Variants in BMPR1B observed in about 807,000 individuals in gnomAD.
BMPR1B encodes the protein bone morphogenetic protein receptor type 1B.
Under a neutral mutation model 59.1 loss-of-function variants are expected in BMPR1B, and 12 were observed. The ratio of observed to expected loss-of-function variants is 0.20; its 90% CI spans 0.13 to 0.33. BMPR1B has a LOEUF of 0.33. BMPR1B is among the 10% of genes least tolerant of loss of function. The pLI is 1.00. For missense variants in BMPR1B, 550 were observed against 610.9 expected (o/e 0.90, Z 1.05); for synonymous variants, 237 against 207.3 (o/e 1.14, Z -1.23).
chr4:94,964,903 C>T (rs1179573422), intron 2 of BMPR1B, among the ~76,000 whole-genome samples: 1 of 152,126 alleles, frequency 6.6e-6, no homozygotes, highest in African/African-American at 2.4e-5. Context: ...AACCCTTGGT[C>T]TTCACACAAA....
rs1733171869 is a variant in BMPR1B at position 95,129,754 on chromosome 4, A to G, written c.586-108A>G. The G allele has an allele frequency of 1.2e-5, 13 of 1,048,736 alleles. No homozygotes were observed. In the South Asian group the frequency reaches 1.6e-4, roughly 13 times the overall value. The allele number at this position is 1,048,736 out of a possible 1,614,324, so 65.0% of individuals were successfully genotyped here. ...AGTTGTCTATATAGAGAAAAATACT[A>G]GCTAAATATATTTTACATGCAGTAA... is the stretch of plus-strand genomic sequence containing the variant. On this transcript the variant is annotated intron_variant, in intron 8 of 12. Coordinates refer to ENST00000515059, the MANE Select transcript of BMPR1B (RefSeq NM_001203.3).
At chr4:94,945,411 G>A (rs1386407792) in intron 2 of BMPR1B, among the ~76,000 whole-genome samples, 1 of 152,132 alleles carries the variant, frequency 6.6e-6, no homozygotes. Flanking sequence ...GATTATTTAG[G>A]TGTCAGAGAA....
At chr4:95,014,694 A>G (rs1224889951) in intron 3 of BMPR1B, among the ~76,000 whole-genome samples, 1 of 152,194 alleles carries the variant, frequency 6.6e-6, no homozygotes, top group Non-Finnish European at 1.5e-5. Context: ...TTCCTTTAAT[A>G]TCATCTTTTA....
chr4:95,093,334 G>A (rs1730132137), intron 3 of BMPR1B, among the ~76,000 whole-genome samples: 1 of 151,980 alleles, frequency 6.6e-6, no homozygotes, highest in South Asian at 2.1e-4. Flanking sequence ...AAACCTAAGG[G>A]AAAGGCTAGC....
chr4:94,976,001 G>A (rs888428554), intron 2 of BMPR1B, among the ~76,000 whole-genome samples: 3 of 152,222 alleles, frequency 2.0e-5, no homozygotes, highest in Non-Finnish European at 2.9e-5. Context: ...TCAGGAATTT[G>A]TGTAGGGTTT....
chr4:94,758,622 G>A (rs572921596), intron 1 of BMPR1B, among the ~76,000 whole-genome samples: 65 of 152,216 alleles, frequency 4.3e-4, no homozygotes, highest in Non-Finnish European at 8.2e-4. Context: ...GGGAAAGTGC[G>A]CAGCGGGCTG....
chr4:95,014,403 A>G (rs1367112806), intron 3 of BMPR1B, among the ~76,000 whole-genome samples: 2 of 152,208 alleles, frequency 1.3e-5, no homozygotes, highest in Non-Finnish European at 2.9e-5. Context: ...GGGTTTAACT[A>G]CCATTATTTA....
intron 2 of BMPR1B, among the ~76,000 whole-genome samples, chr4:94,890,192 C>CTAGA (rs1727335930): frequency 6.6e-6 from 1 of 152,030 alleles, no homozygotes. Context: ...AAGAAGCCTG[C>CTAGA]TAGAGGCTTG....
intron 3 of BMPR1B, chr4:95,051,856 G>A (rs964155291): frequency 7.2e-5 from 98 of 1,360,576 alleles, no homozygotes; most frequent in Non-Finnish European, 8.7e-5. Flanking sequence ...AGAAGGGAAA[G>A]TTCAGGCCAG....
At chr4:94,969,006 T>A (rs1730670224) in intron 2 of BMPR1B, among the ~76,000 whole-genome samples, 1 of 152,114 alleles carries the variant, frequency 6.6e-6, no homozygotes, top group South Asian at 2.1e-4. Context: ...TAGATAGGCA[T>A]AGTTTGTCTA....
intron 2 of BMPR1B, among the ~76,000 whole-genome samples, chr4:94,911,880 A>T (rs1485004420): frequency 6.6e-6 from 1 of 152,158 alleles, no homozygotes; most frequent in African/African-American, 2.4e-5. Context: ...TATAGCAGAT[A>T]TATCTCCACA....
intron 1 of BMPR1B, among the ~76,000 whole-genome samples, chr4:94,782,630 A>G (rs565010480): frequency 6.6e-6 from 1 of 152,252 alleles, no homozygotes; most frequent in South Asian, 2.1e-4. Flanking sequence ...TTATCTCCAG[A>G]ATTCAATTTG....
intron 2 of BMPR1B, among the ~76,000 whole-genome samples, chr4:94,947,215 T>A (rs1049705621): frequency 1.3e-5 from 2 of 152,234 alleles, no homozygotes; most frequent in Non-Finnish European, 2.9e-5. Flanking sequence ...AATTGATGTA[T>A]GAATACTAAC....
At chr4:95,007,194 A>G (rs1346982534) in intron 3 of BMPR1B, among the ~76,000 whole-genome samples, 1 of 152,168 alleles carries the variant, frequency 6.6e-6, no homozygotes, top group East Asian at 1.9e-4. Context: ...TATACTCTGG[A>G]ATGTTTTTTG....
intron 3 of BMPR1B, among the ~76,000 whole-genome samples, chr4:95,063,169 C>A (rs932696554): frequency 6.6e-6 from 1 of 152,048 alleles, no homozygotes; most frequent in Non-Finnish European, 1.5e-5. Flanking sequence ...AAGAAAGTGG[C>A]ATTCTTATAG....
At chr4:94,898,700 CTA>C (rs1727682912) in intron 2 of BMPR1B, among the ~76,000 whole-genome samples, 1 of 109,556 alleles carries the variant, frequency 9.1e-6, no homozygotes, top group Admixed American at 8.0e-5. Context: ...TGAGAACAGA[CTA>C]ATATACACTT....
At chr4:94,974,917 T>A (rs1266278204) in intron 2 of BMPR1B, among the ~76,000 whole-genome samples, 1 of 152,232 alleles carries the variant, frequency 6.6e-6, no homozygotes, top group East Asian at 1.9e-4. Context: ...GTAAAGGGTT[T>A]GGAACAAATA....
intron 3 of BMPR1B, among the ~76,000 whole-genome samples, chr4:95,052,776 C>T (rs939758993): frequency 4.0e-5 from 6 of 151,886 alleles, no homozygotes; most frequent in South Asian, 2.1e-4. Flanking sequence ...TTACTTATAC[C>T]GTATACATAA....
intron 2 of BMPR1B, among the ~76,000 whole-genome samples, chr4:94,964,456 G>T (rs1380637275): frequency 6.6e-6 from 1 of 152,124 alleles, no homozygotes; most frequent in Non-Finnish European, 1.5e-5. Context: ...ACTAGCTATA[G>T]GTTTGGCAAA....
Sources: allele counts gnomAD v4.1 joint callset (sites outside exome capture counted in the v4.1 genomes callset), GRCh38; gene constraint gnomAD v4.1.1; transcripts MANE v1.5; gene names NCBI Gene and HGNC (gene_info 2026-07-23, HGNC 2026-07-21).